The following LRP1B variants were observed in gnomAD, a reference collection of about 807,000 sequenced individuals.
LRP1B encodes the protein low-density lipoprotein receptor-related protein 1B.
In LRP1B, 217 loss-of-function variants were observed where a neutral mutation model predicts 556.6. That is an observed-to-expected ratio of 0.39 (90% CI 0.35 to 0.44). The LOEUF (loss-of-function observed/expected upper bound fraction) is 0.44, where lower values mean the gene tolerates loss of function less well. LRP1B is among the 20% of genes least tolerant of loss of function. The pLI is 1.00. For missense variants in LRP1B, 5,053 were observed against 5,620.8 expected (o/e 0.90, Z 3.23); for synonymous variants, 2,047 against 1,865.8 (o/e 1.10, Z -2.50).
chr2:141,253,597 C>T (rs1378330284), intron 4 of LRP1B, among the ~76,000 whole-genome samples: 12 of 151,986 alleles, frequency 7.9e-5, no homozygotes, highest in African/African-American at 2.4e-4. Context: ...ATCAGGATCT[C>T]ATTTTTGTCA....
intron 14 of LRP1B, among the ~76,000 whole-genome samples, chr2:141,006,957 G>C (rs1481191949): frequency 6.6e-6 from 1 of 151,874 alleles, no homozygotes; most frequent in Non-Finnish European, 1.5e-5. Context: ...ATCTATAAAT[G>C]TGTCAAACTT....
intron 2 of LRP1B, among the ~76,000 whole-genome samples, chr2:141,578,523 T>C (rs2105275402): frequency 6.6e-6 from 1 of 152,278 alleles, no homozygotes; most frequent in African/African-American, 2.4e-5. Flanking sequence ...TTAGGCCTTA[T>C]GTATGTATAT....
chr2:140,357,604 T>C (rs1682287058), intron 74 of LRP1B, among the ~76,000 whole-genome samples: 2 of 151,696 alleles, frequency 1.3e-5, no homozygotes, highest in South Asian at 4.1e-4. Flanking sequence ...TTAAATTTTT[T>C]TTAACATTGA....
At chr2:141,320,433 A>T (rs1393028783) in intron 3 of LRP1B, among the ~76,000 whole-genome samples, 2 of 152,082 alleles carry the variant, frequency 1.3e-5, no homozygotes, top group East Asian at 3.9e-4. Context: ...TCTCAATCTT[A>T]CGGAGTACGG....
intron 1 of LRP1B, among the ~76,000 whole-genome samples, chr2:142,017,209 G>C (rs1475675494): frequency 6.6e-6 from 1 of 152,134 alleles, no homozygotes; most frequent in Non-Finnish European, 1.5e-5. Flanking sequence ...TCAATCATCT[G>C]AGGCAGGAAA....
intron 7 of LRP1B, among the ~76,000 whole-genome samples, chr2:141,090,651 A>G (rs1245458742): frequency 6.6e-6 from 1 of 152,146 alleles, no homozygotes; most frequent in Non-Finnish European, 1.5e-5. Context: ...TCAGGTTAGA[A>G]CTCATTAAAT....
intron 2 of LRP1B, among the ~76,000 whole-genome samples, chr2:141,794,683 C>CT (rs995367991): frequency 1.7e-4 from 26 of 151,962 alleles, no homozygotes; most frequent in African/African-American, 2.4e-4. Context: ...ACATAACAGA[C>CT]TTTTTTTACA....
At chr2:141,249,109 T>C (rs1684170854) in intron 4 of LRP1B, among the ~76,000 whole-genome samples, 1 of 152,186 alleles carries the variant, frequency 6.6e-6, no homozygotes, top group African/African-American at 2.4e-5. Flanking sequence ...AGTAAATGTG[T>C]AATGATAAGC....
At chr2:141,433,860 T>C (rs1164825769) in intron 3 of LRP1B, among the ~76,000 whole-genome samples, 1 of 151,468 alleles carries the variant, frequency 6.6e-6, no homozygotes, top group Non-Finnish European at 1.5e-5. Flanking sequence ...TCTGTCCCTT[T>C]CTCTTTTTCC....
At position 140,233,004 on chromosome 2, in the gene LRP1B, C is replaced by T. The variant is rs1038064352; in HGVS notation, c.*182G>A. On this transcript the variant is annotated 3_prime_UTR_variant, in exon 91 of 91. Coordinates refer to ENST00000389484, the MANE Select transcript of LRP1B (RefSeq NM_018557.3). ...AGTTCTTTTTCATAAAAATACCATA[C>T]AAATGGTCAATCAATAGTCATCAGC... 3 of 429,788 alleles carry T rather than the reference C, an allele frequency of 7.0e-6. No homozygotes were observed. The highest frequency in any genetic ancestry group is 6.2e-5 in the African/African-American group (3 of 48,642). The allele number at this position is 429,788 out of a possible 1,614,324, so 26.6% of individuals were successfully genotyped here.
intron 41 of LRP1B, among the ~76,000 whole-genome samples, chr2:140,650,676 C>T (rs193216285): frequency 6.6e-6 from 1 of 152,114 alleles, no homozygotes; most frequent in East Asian, 1.9e-4. Context: ...AAAGATTGGC[C>T]TGCTGAGGAA....
intron 1 of LRP1B, among the ~76,000 whole-genome samples, chr2:141,847,597 A>C (rs1453401144): frequency 6.6e-6 from 1 of 151,602 alleles, no homozygotes; most frequent in Non-Finnish European, 1.5e-5. Context: ...AGAAAAACAT[A>C]CAGTATAGTG....
chr2:141,112,594 A>G (rs1250677128), intron 7 of LRP1B, among the ~76,000 whole-genome samples: 2 of 152,222 alleles, frequency 1.3e-5, no homozygotes, highest in Admixed American at 1.3e-4. Context: ...GTCAATATTT[A>G]AACAATTTAT....
chr2:140,357,926 C>T (rs1682308656), intron 74 of LRP1B, 53 bp downstream of exon 74: 1 of 1,568,652 alleles, frequency 6.4e-7, no homozygotes, highest in African/African-American at 1.3e-5. Flanking sequence ...CATGTACAAG[C>T]AGAAGTTAGA....
chr2:140,480,982 T>C (rs1688212639), intron 59 of LRP1B, among the ~76,000 whole-genome samples: 1 of 152,126 alleles, frequency 6.6e-6, no homozygotes, highest in Non-Finnish European at 1.5e-5. Context: ...TTCTTCTGCC[T>C]CAGCCTCCCA....
rs115789828 is a variant in LRP1B at position 140,262,092 on chromosome 2, G to A, written c.13247+8150C>T. Among the ~76,000 whole-genome samples, 1,482 of 151,928 alleles carry A rather than the reference G, an allele frequency of 9.8e-3. 60 individuals are homozygous for A. The East Asian group carries it at 0.13, about 13-fold the overall frequency. ...TTAAAAAAAAAGATCAGAAGAAAAT[G>A]AAATATGTACAAAAATATGGACTTT... On this transcript the variant is annotated intron_variant, in intron 86 of 90. Coordinates refer to ENST00000389484, the MANE Select transcript of LRP1B (RefSeq NM_018557.3).
chr2:140,816,237 C>T (rs182960732), intron 31 of LRP1B, among the ~76,000 whole-genome samples: 1 of 152,132 alleles, frequency 6.6e-6, no homozygotes, highest in African/African-American at 2.4e-5. Context: ...CCTGCCTCAG[C>T]CTCCCAAGTG....
At chr2:141,753,678 T>C (rs928123237) in intron 2 of LRP1B, among the ~76,000 whole-genome samples, 4 of 152,142 alleles carry the variant, frequency 2.6e-5, no homozygotes, top group Non-Finnish European at 2.9e-5. Flanking sequence ...CACTTCGTTA[T>C]TGAAACCTCT....
At chr2:141,822,118 C>CAGAGAGAGAGAG (rs1417592688) in intron 1 of LRP1B, among the ~76,000 whole-genome samples, 58 of 102,996 alleles carry the variant, frequency 5.6e-4, no homozygotes, top group African/African-American at 1.9e-3. Context: ...CACACACACA[C>CAGAGAGAGAGAG]ACACACACAC....
Sources: gnomAD v4.1 joint callset for allele counts (sites outside exome capture counted in the v4.1 genomes callset) on GRCh38, gnomAD v4.1.1 for gene constraint, MANE v1.5 for transcripts, NCBI Gene and HGNC (gene_info 2026-07-23, HGNC 2026-07-21) for gene names.